The following SDCCAG8 variants were observed in gnomAD, a reference collection of about 807,000 sequenced individuals.
SDCCAG8 encodes SHH signaling and ciliogenesis regulator SDCCAG8.
SDCCAG8 carries 74 observed loss-of-function variants against 101.8 expected under a neutral mutation model. The observed-to-expected ratio is 0.73, with a 90% confidence interval of 0.60 to 0.88. The LOEUF (loss-of-function observed/expected upper bound fraction) is 0.88. Among genes scored for constraint, SDCCAG8 ranks in the 40% least tolerant of loss-of-function variants. The pLI is 0.00. For missense variants in SDCCAG8, 787 were observed against 822.6 expected, an observed-to-expected ratio of 0.96 and a Z score of 0.53; for synonymous variants, 281 against 292.9, an observed-to-expected ratio of 0.96 and a Z score of 0.41.
chr1:243,429,958 G>A (rs142008572), intron 16 of SDCCAG8, among the ~76,000 whole-genome samples: 9 of 151,868 alleles, frequency 5.9e-5, no homozygotes, highest in African/African-American at 1.2e-4. Flanking sequence ...CTACCTCGGC[G>A]TCCTCTGGGA....
chr1:243,488,702 G>A (rs1433315225), intron 16 of SDCCAG8, among the ~76,000 whole-genome samples: 1 of 152,128 alleles, frequency 6.6e-6, no homozygotes, highest in Non-Finnish European at 1.5e-5. Context: ...CGGCATTTAG[G>A]CCCCTCATCT....
At chr1:243,297,928 A>G (rs552693903) in intron 6 of SDCCAG8, among the ~76,000 whole-genome samples, 1 of 152,176 alleles carries the variant, frequency 6.6e-6, no homozygotes, top group East Asian at 1.9e-4. Flanking sequence ...TGATGGCTAG[A>G]ACTTCAGTTT....
intron 16 of SDCCAG8, among the ~76,000 whole-genome samples, chr1:243,429,770 C>T (rs1233168928): frequency 2.8e-5 from 4 of 141,428 alleles, no homozygotes; most frequent in Admixed American, 7.7e-5. Context: ...AGCGCGATCT[C>T]GGCTCACTGC....
intron 12 of SDCCAG8, among the ~76,000 whole-genome samples, chr1:243,367,038 T>G (rs2077027452): frequency 6.6e-6 from 1 of 152,144 alleles, no homozygotes; most frequent in Non-Finnish European, 1.5e-5. Flanking sequence ...TATTTTATTA[T>G]ATTTTATTTT....
At chr1:243,383,994 A>G (rs966770084) in intron 13 of SDCCAG8, among the ~76,000 whole-genome samples, 1 of 152,078 alleles carries the variant, frequency 6.6e-6, no homozygotes, top group African/African-American at 2.4e-5. Context: ...TTTTCTACCT[A>G]GGCCTCCCCA....
chr1:243,437,559 CAG>C (rs2082224203), intron 16 of SDCCAG8, among the ~76,000 whole-genome samples: 1 of 119,546 alleles, frequency 8.4e-6, no homozygotes. Flanking sequence ...TGTATTGAAA[CAG>C]AGTCTCGCTC....
chr1:243,280,408 C>T (rs1290399794), intron 4 of SDCCAG8, among the ~76,000 whole-genome samples: 1 of 151,614 alleles, frequency 6.6e-6, no homozygotes, highest in African/African-American at 2.4e-5. Context: ...TTGTTTTTCT[C>T]TGTTGATTTT....
At chr1:243,322,395 A>G (rs1368690061) in intron 9 of SDCCAG8, among the ~76,000 whole-genome samples, 1 of 152,214 alleles carries the variant, frequency 6.6e-6, no homozygotes, top group African/African-American at 2.4e-5. Flanking sequence ...ATATGCATCT[A>G]CTATGTACTC....
intron 13 of SDCCAG8, among the ~76,000 whole-genome samples, chr1:243,383,997 C>A (rs2078116451): frequency 6.6e-6 from 1 of 152,132 alleles, no homozygotes; most frequent in Non-Finnish European, 1.5e-5. Flanking sequence ...TCTACCTAGG[C>A]CTCCCCATTG....
At chr1:243,260,874 A>T (rs2067144782) in intron 1 of SDCCAG8, among the ~76,000 whole-genome samples, 1 of 152,154 alleles carries the variant, frequency 6.6e-6, no homozygotes, top group South Asian at 2.1e-4. Flanking sequence ...GGGTCAGAGG[A>T]GAGAATGTGG....
chr1:243,455,432 A>G (rs2083671028), intron 16 of SDCCAG8, among the ~76,000 whole-genome samples: 1 of 151,926 alleles, frequency 6.6e-6, no homozygotes. Flanking sequence ...ACCATGCCCA[A>G]CTAATTTTTG....
chr1:243,408,197 G>A (rs953720613), intron 13 of SDCCAG8, among the ~76,000 whole-genome samples: 1 of 152,104 alleles, frequency 6.6e-6, no homozygotes, highest in Non-Finnish European at 1.5e-5. Flanking sequence ...TCATTCATTC[G>A]TTTATTCATT....
chr1:243,414,011 A>G (rs4658568), intron 13 of SDCCAG8, among the ~76,000 whole-genome samples: 22,001 of 152,072 alleles, frequency 0.14, 2,031 homozygotes, highest in African/African-American at 0.25. Context: ...AATATTCACC[A>G]CCCACTTCCT....
intron 17 of SDCCAG8, among the ~76,000 whole-genome samples, chr1:243,498,381 G>A (rs560040501): frequency 3.3e-5 from 5 of 152,298 alleles, no homozygotes; most frequent in Middle Eastern, 6.8e-3. Flanking sequence ...AAAGCATCCC[G>A]TGGGCCCAGG....
chr1:243,305,711 AATTTT>A (rs1209627037), intron 7 of SDCCAG8: 1 of 152,204 alleles, frequency 6.6e-6, no homozygotes, highest in Non-Finnish European at 1.5e-5. Context: ...TATTGTTTAT[AATTTT>A]ATTTTAATAA....
rs1035702349 is a variant in SDCCAG8 at position 243,361,320 on chromosome 1, C to T, written c.1473+16989C>T. On this transcript the variant is annotated intron_variant, in intron 12 of 17. Transcript: ENST00000366541. Reference sequence around the variant, plus strand: ...AACCAGTTTCCGAGTACTCCTGCCCCCTTTCTGCTTTATTTTACTCCATAT... The same window carrying T: ...AACCAGTTTCCGAGTACTCCTGCCCTCTTTCTGCTTTATTTTACTCCATAT... Among the ~76,000 whole-genome samples the T allele has an allele frequency of 4.6e-5, 7 of 152,172 alleles. No individual in the cohort carries two copies. In the South Asian group the frequency reaches 1.2e-3, roughly 27 times the overall value.
chr1:243,439,258 A>G (rs1015191004), intron 16 of SDCCAG8, among the ~76,000 whole-genome samples: 1 of 151,872 alleles, frequency 6.6e-6, no homozygotes, highest in Non-Finnish European at 1.5e-5. Context: ...GATTTAAGTG[A>G]TCCTCCCACC....
chr1:243,437,235 T>G (rs1032920261), intron 16 of SDCCAG8, among the ~76,000 whole-genome samples: 1 of 152,252 alleles, frequency 6.6e-6, no homozygotes, highest in African/African-American at 2.4e-5. Context: ...CTAGATTGCC[T>G]GTCTTTTGCT....
Position 243,294,774 on chromosome 1 carries a change from A to G in SDCCAG8, c.675+1555A>G, listed in dbSNP as rs1263296078. Among the ~76,000 whole-genome samples, 14 of 150,032 alleles carry G rather than the reference A, an allele frequency of 9.3e-5. No individual in the cohort carries two copies. In the Admixed American group the frequency reaches 9.4e-4, roughly 10 times the overall value. On this transcript the variant is annotated intron_variant, in intron 6 of 17. Transcript: ENST00000366541. ...AAACAATTCTATTTTAAGACTAAAT[A>G]ATACTTTTCAATCCTTTTATGTATG...
Sources: gnomAD v4.1 joint callset for allele counts (sites outside exome capture counted in the v4.1 genomes callset) on GRCh38, gnomAD v4.1.1 for gene constraint, MANE v1.5 for transcripts, NCBI Gene and HGNC (gene_info 2026-07-23, HGNC 2026-07-21) for gene names.